Variants in PCDHA6 observed in about 807,000 individuals in gnomAD.
PCDHA6 encodes protocadherin alpha 6, also known as protocadherin alpha-6.
A neutral mutation model predicts 60.3 loss-of-function variants in PCDHA6; 55 were observed. The ratio of observed to expected loss-of-function variants is 0.91; its 90% confidence interval spans 0.73 to 1.14. PCDHA6 has a LOEUF of 1.14. Ranked by LOEUF, PCDHA6 falls within the 50% of genes most tolerant of loss-of-function variation. The pLI is 0.00. For missense variants in PCDHA6, 1,327 were observed against 1,256.5 expected (o/e 1.06, Z -0.85); for synonymous variants, 652 against 557.9 (o/e 1.17, Z -2.38).
At chr5:140,838,260 C>A (rs1775624782) in intron 1 of PCDHA6, among the ~76,000 whole-genome samples, 1 of 147,458 alleles carries the variant, frequency 6.8e-6, no homozygotes, top group African/African-American at 2.5e-5. Context: ...ATTAAAGACG[C>A]CAACAACCAA....
At chr5:140,975,899 G>A (rs2096688066) in intron 1 of PCDHA6, among the ~76,000 whole-genome samples, 1 of 152,084 alleles carries the variant, frequency 6.6e-6, no homozygotes, top group African/African-American at 2.4e-5. Context: ...ATGGAGTTTT[G>A]TGACCATTAT....
At chr5:140,962,770 G>A (rs1387109570) in intron 1 of PCDHA6, among the ~76,000 whole-genome samples, 1 of 152,164 alleles carries the variant, frequency 6.6e-6, no homozygotes, top group Admixed American at 6.5e-5. Flanking sequence ...TTTTTAACAA[G>A]ATGGAATTTT....
intron 3 of PCDHA6, among the ~76,000 whole-genome samples, chr5:140,996,816 A>G (rs1587722851): frequency 6.6e-6 from 1 of 152,264 alleles, no homozygotes; most frequent in Non-Finnish European, 1.5e-5. Flanking sequence ...TTCCAAAAGT[A>G]ACCACTACCA....
At chr5:140,853,717 A>G in intron 1 of PCDHA6, 1 of 988,104 alleles carries the variant, frequency 1.0e-6, no homozygotes, top group Non-Finnish European at 1.2e-6. Context: ...CATTAGCAGC[A>G]CCTAAGTCCT....
chr5:140,913,398 AT>A (rs1172885484), intron 1 of PCDHA6, among the ~76,000 whole-genome samples: 5 of 152,132 alleles, frequency 3.3e-5, no homozygotes, highest in Non-Finnish European at 7.4e-5. Flanking sequence ...GCCACTAATG[AT>A]CCTTTGAATT....
intron 1 of PCDHA6, chr5:140,882,030 T>G (rs1582587950): frequency 3.3e-6 from 2 of 612,804 alleles, no homozygotes; most frequent in East Asian, 5.9e-5. Flanking sequence ...CAATGGAAAA[T>G]ATGAAGACTG....
At chr5:141,004,935 A>AATTTCTT (rs2098189293) in intron 3 of PCDHA6, among the ~76,000 whole-genome samples, 1 of 152,112 alleles carries the variant, frequency 6.6e-6, no homozygotes, top group African/African-American at 2.4e-5. Context: ...GAGAGAAGAA[A>AATTTCTT]ATTTCTTACC....
chr5:140,928,943 T>C, intron 1 of PCDHA6: 1 of 1,614,090 alleles, frequency 6.2e-7, no homozygotes, highest in Non-Finnish European at 8.5e-7. Flanking sequence ...AACTTGTATT[T>C]AGTAATTGCC....
At chr5:140,869,799 C>T (rs781959839) in intron 1 of PCDHA6, 1 of 1,612,706 alleles carries the variant, frequency 6.2e-7, no homozygotes, top group Non-Finnish European at 8.5e-7. Flanking sequence ...TAGTCCAAGT[C>T]TTGGATGTCA....
intron 1 of PCDHA6, chr5:140,927,761 G>C (rs1554205028): frequency 6.2e-7 from 1 of 1,614,102 alleles, no homozygotes. Flanking sequence ...CACCCTAAAA[G>C]TGGGGAGGTG....
At chr5:140,900,807 A>T (rs868976984) in intron 1 of PCDHA6, among the ~76,000 whole-genome samples, 1 of 152,176 alleles carries the variant, frequency 6.6e-6, no homozygotes, top group African/African-American at 2.4e-5. Context: ...TAGTGCTTGT[A>T]CTAATTTACA....
intron 1 of PCDHA6, chr5:140,866,754 G>A (rs540571091): frequency 1.1e-4 from 17 of 152,256 alleles, no homozygotes; most frequent in Non-Finnish European, 2.2e-4. Context: ...ATGACTAACA[G>A]GACATACAGG....
At chr5:140,862,441 T>A (rs1429423701) in intron 1 of PCDHA6, 1 of 358,060 alleles carries the variant, frequency 2.8e-6, no homozygotes, top group Non-Finnish European at 5.5e-6. Context: ...TCGTTGGTAC[T>A]CCACAGCGCC....
intron 1 of PCDHA6, chr5:140,927,708 A>G: frequency 6.2e-7 from 1 of 1,614,202 alleles, no homozygotes; most frequent in Non-Finnish European, 8.5e-7. Context: ...AGTACTCCCT[A>G]AGCAACAGCA....
At chr5:140,843,834 GT>G in intron 1 of PCDHA6, 2 of 1,102,918 alleles carry the variant, frequency 1.8e-6, no homozygotes, top group Non-Finnish European at 2.6e-6. Flanking sequence ...ACATTGTTTA[GT>G]TTTTAGAAAC....
intron 1 of PCDHA6, chr5:140,836,073 G>A: frequency 1.2e-6 from 2 of 1,613,652 alleles, no homozygotes; most frequent in Non-Finnish European, 1.7e-6. Context: ...CAACGCGCCG[G>A]CACTGCTGGC....
At chr5:140,841,138 C>T (rs2150311495) in intron 1 of PCDHA6, 1 of 713,754 alleles carries the variant, frequency 1.4e-6, no homozygotes, top group Non-Finnish European at 2.3e-6. Context: ...TTTGAAGCCA[C>T]ATGATGTCGC....
At chr5:140,968,818 T>C in intron 1 of PCDHA6, 1 of 1,614,188 alleles carries the variant, frequency 6.2e-7, no homozygotes, top group South Asian at 1.1e-5. Flanking sequence ...TGGATAGGGT[T>C]TCCAAAATCC....
At chr5:140,910,154 G>A (rs575042155) in intron 1 of PCDHA6, among the ~76,000 whole-genome samples, 234 of 152,310 alleles carry the variant, frequency 1.5e-3, no homozygotes, top group African/African-American at 4.9e-3. Flanking sequence ...ATTGATTGAG[G>A]GGAAATTGAT....
Sources: gnomAD v4.1 joint callset for allele counts (sites outside exome capture counted in the v4.1 genomes callset) on GRCh38, gnomAD v4.1.1 for gene constraint, MANE v1.5 for transcripts, NCBI Gene and HGNC (gene_info 2026-07-23, HGNC 2026-07-21) for gene names.